Variants in TRAPPC9 observed in about 807,000 individuals in gnomAD.
TRAPPC9 encodes the protein IKK2 binding protein.
Under a neutral mutation model 124.0 loss-of-function variants are expected in TRAPPC9, and 83 were observed. That is an observed-to-expected ratio of 0.67 (90% CI 0.56 to 0.80). The LOEUF is 0.80. TRAPPC9 is among the 30% of genes least tolerant of loss of function. The pLI is 0.00. For synonymous variants in TRAPPC9, 638 were observed against 617.5 expected, an observed-to-expected ratio of 1.03 and a Z score of -0.49; for missense variants, 1,302 against 1,508.3, an observed-to-expected ratio of 0.86 and a Z score of 2.27.
intron 18 of TRAPPC9, among the ~76,000 whole-genome samples, chr8:139,997,006 C>G (rs1456891140): frequency 5.3e-5 from 8 of 152,200 alleles, no homozygotes; most frequent in African/African-American, 1.9e-4. Flanking sequence ...CTCTGCCTCC[C>G]AAAGTGCTGG....
At chr8:140,074,188 G>C (rs1843360634) in intron 17 of TRAPPC9, among the ~76,000 whole-genome samples, 1 of 152,156 alleles carries the variant, frequency 6.6e-6, no homozygotes, top group African/African-American at 2.4e-5. Flanking sequence ...CAGAGGTCCA[G>C]AGGACAGGAG....
chr8:139,746,597 G>A (rs540150726), intron 21 of TRAPPC9, among the ~76,000 whole-genome samples: 1 of 152,302 alleles, frequency 6.6e-6, no homozygotes, highest in South Asian at 2.1e-4. Context: ...GAACACTGTG[G>A]AGCCTGGGTC....
chr8:140,423,576 G>GCACACACACA (rs1554684606), intron 5 of TRAPPC9, among the ~76,000 whole-genome samples: 2 of 75,970 alleles, frequency 2.6e-5, no homozygotes, highest in African/African-American at 1.1e-4. Flanking sequence ...ACAAAATGTG[G>GCACACACACA]CATACACACA....
At chr8:139,877,921 C>T (rs1026787426) in intron 21 of TRAPPC9, among the ~76,000 whole-genome samples, 4 of 152,196 alleles carry the variant, frequency 2.6e-5, no homozygotes, top group African/African-American at 4.8e-5. Context: ...GTTGGCTCAG[C>T]GCTGACTCCT....
intron 17 of TRAPPC9, among the ~76,000 whole-genome samples, chr8:140,197,738 T>C (rs1249935083): frequency 6.6e-6 from 1 of 151,978 alleles, no homozygotes; most frequent in Non-Finnish European, 1.5e-5. Context: ...GCACAGAATA[T>C]AAAACAAAAG....
At chr8:139,920,749 T>C (rs1480739423) in intron 19 of TRAPPC9, among the ~76,000 whole-genome samples, 1 of 152,242 alleles carries the variant, frequency 6.6e-6, no homozygotes, top group East Asian at 1.9e-4. Context: ...AGCAACTGCC[T>C]AGGTGAAGGA....
Position 140,104,815 on chromosome 8 carries a change from G to A in TRAPPC9, c.2557-80736C>T, listed in dbSNP as rs573660892. The stretch of plus-strand genomic sequence containing the variant: ...CTTCTTGTGATTAGGACATTTCCCA[G>A]AGTTGCCTCGAACTGAAGCCTTACT... On this transcript the variant is annotated intron_variant, in intron 17 of 22. Coordinates refer to ENST00000438773, the MANE Select transcript of TRAPPC9 (RefSeq NM_001160372.4). This position sits in a 1 kb window ranked among gnomAD's most constrained non-coding sequence, Gnocchi z 4.0. Among the ~76,000 whole-genome samples the A allele has an allele frequency of 1.2e-4, 18 of 152,338 alleles. No individual in the cohort carries two copies. The South Asian group carries it at 1.5e-3, about 12-fold the overall frequency.
At chr8:139,964,492 C>G (rs538020609) in intron 19 of TRAPPC9, among the ~76,000 whole-genome samples, 1 of 152,116 alleles carries the variant, frequency 6.6e-6, no homozygotes, top group Non-Finnish European at 1.5e-5. Context: ...AAGTTCTACT[C>G]GAGGCTCTTC....
chr8:140,061,930 C>T (rs1009622072), intron 17 of TRAPPC9, among the ~76,000 whole-genome samples: 1 of 152,166 alleles, frequency 6.6e-6, no homozygotes, highest in Admixed American at 6.5e-5. Context: ...GGTGAGAATA[C>T]AAACAGGGCC....
At chr8:139,873,587 C>T (rs1353960850) in intron 21 of TRAPPC9, among the ~76,000 whole-genome samples, 1 of 152,094 alleles carries the variant, frequency 6.6e-6, no homozygotes, top group Non-Finnish European at 1.5e-5. Flanking sequence ...GTCACTGTTT[C>T]CAAGGAGCTC....
At chr8:139,826,407 G>A (rs1045376088) in intron 21 of TRAPPC9, among the ~76,000 whole-genome samples, 1 of 152,214 alleles carries the variant, frequency 6.6e-6, no homozygotes, top group Admixed American at 6.5e-5. Flanking sequence ...CCGGCCGGGT[G>A]AGCCTGGGCA....
chr8:140,354,942 C>T (rs143240689), intron 9 of TRAPPC9, among the ~76,000 whole-genome samples: 19 of 152,278 alleles, frequency 1.2e-4, no homozygotes, highest in African/African-American at 2.6e-4. Flanking sequence ...TTTTCTCAGA[C>T]GACTCCAATT....
chr8:140,085,085 G>A (rs569444536), intron 17 of TRAPPC9, among the ~76,000 whole-genome samples: 2 of 152,162 alleles, frequency 1.3e-5, no homozygotes, highest in Non-Finnish European at 2.9e-5. Flanking sequence ...GGTGCAGGGA[G>A]AGCACACTCT....
At chr8:140,102,960 C>T (rs1447205224) in intron 17 of TRAPPC9, among the ~76,000 whole-genome samples, 2 of 152,156 alleles carry the variant, frequency 1.3e-5, no homozygotes, top group African/African-American at 4.8e-5. Flanking sequence ...GCGCCAGGAT[C>T]ATGTCTGACT....
At position 140,001,081 on chromosome 8, in the gene TRAPPC9, G is replaced by A. The variant is rs559751255; in HGVS notation, c.2700-12245C>T. ...AAAAGGATGAGTTTATGTCCTTTTC[G>A]GGGACATGGATGAAGCTGGAAACCA... is the stretch of plus-strand genomic sequence containing the variant. On this transcript the variant is annotated intron_variant, in intron 18 of 22. Transcript: ENST00000438773. Among the ~76,000 whole-genome samples, 70 of 152,148 alleles carry A rather than the reference G, an allele frequency of 4.6e-4. No individual in the cohort carries two copies. The South Asian group carries it at 6.0e-3, about 13-fold the overall frequency.
chr8:139,765,415 A>G (rs901833261), intron 21 of TRAPPC9, among the ~76,000 whole-genome samples: 4 of 152,234 alleles, frequency 2.6e-5, no homozygotes, highest in Non-Finnish European at 5.9e-5. Context: ...AATAGTCCAA[A>G]GCTTTCATCC....
At chr8:139,843,143 C>A (rs1826851472) in intron 21 of TRAPPC9, among the ~76,000 whole-genome samples, 2 of 152,202 alleles carry the variant, frequency 1.3e-5, no homozygotes, top group South Asian at 4.1e-4. Flanking sequence ...ACACATAGGG[C>A]TAAGTGGAAG....
chr8:139,944,050 A>G (rs1834067916), intron 19 of TRAPPC9, among the ~76,000 whole-genome samples: 1 of 152,228 alleles, frequency 6.6e-6, no homozygotes, highest in Non-Finnish European at 1.5e-5. Flanking sequence ...TAAATGTATA[A>G]TCTTAAGAAC....
chr8:140,378,853 G>A (rs538068349), intron 7 of TRAPPC9, among the ~76,000 whole-genome samples: 1 of 152,038 alleles, frequency 6.6e-6, no homozygotes, highest in Non-Finnish European at 1.5e-5. Context: ...GGCTTCCAAG[G>A]CCTACTGACT....
Sources: allele counts gnomAD v4.1 joint callset (sites outside exome capture counted in the v4.1 genomes callset), GRCh38; gene constraint gnomAD v4.1.1; non-coding constraint Gnocchi (gnomAD v3.1); transcripts MANE v1.5; gene names NCBI Gene and HGNC (gene_info 2026-07-23, HGNC 2026-07-21).